NDUFAF7: variants seen among roughly 807,000 people sequenced by gnomAD.
NDUFAF7 encodes protein arginine methyltransferase NDUFAF7, mitochondrial.
In NDUFAF7, 48 loss-of-function variants were observed where a neutral mutation model predicts 47.2. The observed-to-expected ratio is 1.02, with a 90% CI of 0.81 to 1.29. The LOEUF (loss-of-function observed/expected upper bound fraction) is 1.29. NDUFAF7 is among the 50% of genes most tolerant of loss of function. NDUFAF7 has a pLI of 0.00. For missense variants in NDUFAF7, 635 were observed against 537.6 expected, an observed-to-expected ratio of 1.18 and a Z score of -1.79; for synonymous variants, 217 against 190.0, an observed-to-expected ratio of 1.14 and a Z score of -1.17.
At chr2:37,263,974 C>T in the NDUFAF7 span, among the ~76,000 whole-genome samples, 5 of 152,248 alleles carry the variant, frequency 3.3e-5, no homozygotes, top group East Asian at 3.9e-4. Context: ...TTTTTGATAA[C>T]GTTTTCTAAT....
At chr2:37,271,128 G>A in the NDUFAF7 span, among the ~76,000 whole-genome samples, 1 of 152,218 alleles carries the variant, frequency 6.6e-6, no homozygotes, top group South Asian at 2.1e-4. Context: ...ACATGTTAGA[G>A]AACTATAACA....
At chr2:37,240,706 T>C (rs1028936016) in intron 4 of NDUFAF7, among the ~76,000 whole-genome samples, 22 of 152,264 alleles carry the variant, frequency 1.4e-4, no homozygotes, top group African/African-American at 5.1e-4. Flanking sequence ...GCCCTTAAAA[T>C]GTATGAAGGA....
chr2:37,259,053 A>G, the NDUFAF7 span, among the ~76,000 whole-genome samples: 14 of 23,554 alleles, frequency 5.9e-4, no homozygotes, highest in Admixed American at 5.4e-3. Context: ...GAACACTTGG[A>G]AAAAAAAAAA....
At chr2:37,258,585 C>T in the NDUFAF7 span, among the ~76,000 whole-genome samples, 1 of 152,158 alleles carries the variant, frequency 6.6e-6, no homozygotes, top group African/African-American at 2.4e-5. Flanking sequence ...TAGGAGTGTG[C>T]ATCTTTTGTC....
chr2:37,248,190 A>G lies in NDUFAF7; in HGVS notation c.1166A>G (p.Tyr389Cys). Residue 389 changes from tyrosine to cysteine, a missense_variant, in exon 10 of 10, where the codon TAT (tyrosine) becomes TGT (cysteine). Physicochemically the swap from Tyr to Cys is radical, Grantham distance 194. Transcript: ENST00000002125. The part of the protein sequence containing the change: ...PSVRQQLLQG[Y>C]DMLMNPKKMG... The stretch of plus-strand genomic sequence containing the variant: ...GTGAGGCAGCAGTTACTTCAAGGAT[A>G]TGATATGTTAATGAATCCAAAGAAG... 1 of 1,614,090 alleles carries G rather than the reference A, an allele frequency of 6.2e-7. No individual in the cohort carries two copies.
the NDUFAF7 span, among the ~76,000 whole-genome samples, chr2:37,262,727 G>A: frequency 1.6e-4 from 25 of 152,214 alleles, no homozygotes; most frequent in South Asian, 4.1e-4. Flanking sequence ...AAAAATAGAA[G>A]TATGCTGTAA....
chr2:37,240,319 A>G (rs1666225241), intron 4 of NDUFAF7, among the ~76,000 whole-genome samples: 1 of 151,844 alleles, frequency 6.6e-6, no homozygotes, highest in Non-Finnish European at 1.5e-5. Flanking sequence ...AGGGGCTGAG[A>G]TGGGAGGATT....
rs199512939 is a variant in NDUFAF7 at position 37,237,616 on chromosome 2, G to C, written c.298-141G>C. 3.3e-5 allele frequency: 22 copies of C among 664,898 alleles called. No homozygotes were observed. In the East Asian group the frequency reaches 5.4e-4, roughly 16 times the overall value. The allele number at this position is 664,898 out of a possible 1,614,324, so 41.2% of individuals were successfully genotyped here. Reference sequence around the variant, plus strand: ...AGGAAGTTCCTATGTGAACATGTACGTATGTATTGAACAACATACATATGG... The same window carrying C: ...AGGAAGTTCCTATGTGAACATGTACCTATGTATTGAACAACATACATATGG... On this transcript the variant is annotated intron_variant, in intron 3 of 9. Coordinates refer to ENST00000002125, the MANE Select transcript of NDUFAF7 (RefSeq NM_144736.5).
intron 2 of NDUFAF7, 65 bp downstream of exon 2, chr2:37,232,331 G>A: frequency 6.3e-7 from 1 of 1,596,828 alleles, no homozygotes; most frequent in South Asian, 1.1e-5. Context: ...AAGCCAGGAG[G>A]GAGAAGCCCG....
At chr2:37,237,301 C>T (rs923136786) in intron 3 of NDUFAF7, among the ~76,000 whole-genome samples, 2 of 152,200 alleles carry the variant, frequency 1.3e-5, no homozygotes, top group Non-Finnish European at 2.9e-5. Flanking sequence ...AATTCTAATT[C>T]ATTTCCACTA....
chr2:37,249,641 G>T (rs1280331743), downstream of NDUFAF7, among the ~76,000 whole-genome samples: 1 of 59,556 alleles, frequency 1.7e-5, no homozygotes, highest in Non-Finnish European at 2.8e-5. Context: ...GCCTGTGATA[G>T]AGACACACAC....
chr2:37,251,321 G>T (rs1204218487), downstream of NDUFAF7: 3 of 152,528 alleles, frequency 2.0e-5, no homozygotes, highest in Non-Finnish European at 4.4e-5. Flanking sequence ...TAATGGTTGG[G>T]AGGGCTAAGG....
At chr2:37,235,746 C>T (rs536860947) in intron 2 of NDUFAF7, among the ~76,000 whole-genome samples, 6 of 152,098 alleles carry the variant, frequency 3.9e-5, no homozygotes, top group South Asian at 2.1e-4. Context: ...GCTCTGCCTC[C>T]GAGGTTCACG....
the NDUFAF7 span, among the ~76,000 whole-genome samples, chr2:37,266,198 A>G: frequency 1.3e-5 from 2 of 152,348 alleles, no homozygotes; most frequent in African/African-American, 4.8e-5. Flanking sequence ...TGTTACTATT[A>G]GCAACAAGTA....
In NDUFAF7 at chr2:37,237,887, C is replaced by T. The variant is rs777828139; in HGVS notation, c.408+20C>T. The T allele has an allele frequency of 1.3e-5, 20 of 1,516,294 alleles. No homozygotes were observed. Among genetic ancestry groups the T allele is most frequent in the Non-Finnish European group, 1.8e-5 (20 of 1,092,184 alleles). 93.9% of individuals were successfully genotyped at this position (1,516,294 alleles called of 1,614,324 possible). On this transcript the variant is annotated intron_variant, in intron 4 of 9. Coordinates refer to ENST00000002125, the MANE Select transcript of NDUFAF7 (RefSeq NM_144736.5). ...TTGAGGGTAGGTAATAAAAGAATGT[C>T]TTCTAGTCTCATATAAGTGAATTTT...
chr2:37,237,980 G>A lies in NDUFAF7; in HGVS notation c.408+113G>A, dbSNP rs11900451. On this transcript the variant is annotated intron_variant, in intron 4 of 9. Coordinates refer to ENST00000002125, the MANE Select transcript of NDUFAF7 (RefSeq NM_144736.5). Reference sequence around the variant, plus strand: ...CAGTTCCTTAATTTCATATTTCTCAGCTAAAATATAATGTCAGAATAATGT... The same window carrying A: ...CAGTTCCTTAATTTCATATTTCTCAACTAAAATATAATGTCAGAATAATGT... 2.2e-4 allele frequency: 173 copies of A among 784,666 alleles called. 1 individual carries two copies. In the African/African-American group the frequency reaches 2.7e-3, roughly 12 times the overall value. The allele number at this position is 784,666 out of a possible 1,614,324, so 48.6% of individuals were successfully genotyped here.
At chr2:37,255,122 A>G (rs1667829079), downstream of NDUFAF7, among the ~76,000 whole-genome samples, 1 of 152,238 alleles carries the variant, frequency 6.6e-6, no homozygotes, top group Non-Finnish European at 1.5e-5. Flanking sequence ...GAAGAGGTCT[A>G]CAGAACACAC....
chr2:37,265,631 A>G, the NDUFAF7 span, among the ~76,000 whole-genome samples: 12 of 152,192 alleles, frequency 7.9e-5, no homozygotes, highest in African/African-American at 2.9e-4. Context: ...AAAAGTACTT[A>G]AGTATAAATG....
At chr2:37,257,699 C>T (rs1241988464), downstream of NDUFAF7, among the ~76,000 whole-genome samples, 1 of 140,834 alleles carries the variant, frequency 7.1e-6, no homozygotes, top group East Asian at 2.3e-4. Flanking sequence ...AAAAAAGTTA[C>T]AGTATTTAAA....
Sources: gnomAD v4.1 joint callset for allele counts (sites outside exome capture counted in the v4.1 genomes callset) on GRCh38, gnomAD v4.1.1 for gene constraint, MANE v1.5 for transcripts, NCBI Gene and HGNC (gene_info 2026-07-23, HGNC 2026-07-21) for gene names.